The following TICRR variants were observed in gnomAD, a reference collection of about 807,000 sequenced individuals.
The protein encoded by TICRR is TOPBP1 interacting checkpoint and replication regulator, also known as treslin.
A neutral mutation model predicts 178.1 loss-of-function variants in TICRR; 132 were observed. That is an observed-to-expected ratio of 0.74 (90% CI 0.64 to 0.86). The LOEUF (loss-of-function observed/expected upper bound fraction) is 0.86, where lower values mean the gene tolerates loss of function less well. TICRR is among the 40% of genes least tolerant of loss of function. The pLI is 0.00. For synonymous variants in TICRR, 991 were observed against 900.7 expected, an observed-to-expected ratio of 1.10 and a Z score of -1.79; for missense variants, 2,587 against 2,334.3, an observed-to-expected ratio of 1.11 and a Z score of -2.23.
In TICRR at chr15:89,623,638, C is replaced by T. The variant is rs1450197816; in HGVS notation, c.3328C>T (p.His1110Tyr). The change falls in exon 20 of 22, where the codon CAC (histidine) becomes TAC (tyrosine). Residue 1110 changes from histidine to tyrosine, a missense_variant. His to Tyr is a moderately conservative substitution (Grantham distance 83). Transcript: ENST00000268138. Reference sequence around the variant, plus strand: ...CTCTTTTCAGACTCCCAAGAAGAGTCACCAGAAATCTCTGAGCTTTTCTAA... The same window carrying T: ...CTCTTTTCAGACTCCCAAGAAGAGTTACCAGAAATCTCTGAGCTTTTCTAA... ...PAAYQTPKKS[H>Y]QKSLSFSKTT... is the part of the protein sequence containing the mutation. The T allele has an allele frequency of 2.5e-6, 4 of 1,606,920 alleles. No homozygotes were observed. Among genetic ancestry groups the T allele is most frequent in the East Asian group, 2.2e-5 (1 of 44,860 alleles).
rs750817205 is a variant in TICRR, at chr15:89,582,767, G to A, written c.736G>A (p.Glu246Lys). ...HHGGGTVLPS[E>K]SFSWDFAQAG... Reference sequence around the variant, plus strand: ...CGGAGGTGGCACTGTCTTGCCATCTGAATCTTTCAGCTGGGATTTTGCTCA... The same window carrying A: ...CGGAGGTGGCACTGTCTTGCCATCTAAATCTTTCAGCTGGGATTTTGCTCA... The change falls in exon 2 of 22, where the codon GAA (glutamate) becomes AAA (lysine). Residue 246 changes from glutamate to lysine, a missense_variant. Physicochemically the swap from Glu to Lys is moderately conservative, Grantham distance 56. Coordinates refer to ENST00000268138, the MANE Select transcript of TICRR (RefSeq NM_152259.4). The A allele has an allele frequency of 6.2e-7, 1 of 1,614,210 alleles. No individual in the cohort carries two copies. The highest frequency in any genetic ancestry group is 2.2e-5 in the East Asian group (1 of 44,888).
At chr15:89,589,432 G>A (rs539257737) in intron 4 of TICRR, among the ~76,000 whole-genome samples, 3 of 152,200 alleles carry the variant, frequency 2.0e-5, no homozygotes, top group South Asian at 2.1e-4. Flanking sequence ...CTGCCCAGGC[G>A]GCCAGTGGAG....
At chr15:89,596,238 C>G (rs561267641) in intron 7 of TICRR, among the ~76,000 whole-genome samples, 2 of 152,146 alleles carry the variant, frequency 1.3e-5, no homozygotes, top group Non-Finnish European at 2.9e-5. Flanking sequence ...TTAGACCTTA[C>G]TTTTAATAGT....
chr15:89,616,256 G>A, intron 15 of TICRR, 149 bp from the exon 16 acceptor site: 1 of 629,232 alleles, frequency 1.6e-6, no homozygotes, highest in Non-Finnish European at 2.8e-6. Context: ...GTTGAGTCCT[G>A]TAACCATAGA....
At chr15:89,623,002 C>A (rs1963451646) in intron 19 of TICRR, among the ~76,000 whole-genome samples, 1 of 152,162 alleles carries the variant, frequency 6.6e-6, no homozygotes, top group Non-Finnish European at 1.5e-5. Context: ...ACTGAGAGTC[C>A]CCTGACGGGA....
In TICRR at chr15:89,600,671, A is replaced by C. The variant is rs1395852307; in HGVS notation, c.2139A>C (p.Glu713Asp). ...RQNLGKKLDK[E>D]DKVRECQLQV... ...ATCTAGGAAAAAAACTGGATAAGGA[A>C]GACAAAGTTAGAGAGTAAGTAACTA... The change falls in exon 9 of 22, where the codon GAA becomes GAC. Residue 713 changes from glutamate (E) to aspartate (D), a missense_variant. Glu to Asp is a conservative substitution (Grantham distance 45, BLOSUM62 2). Transcript: ENST00000268138. 1 of 1,548,746 alleles carries C rather than the reference A, an allele frequency of 6.5e-7. No homozygotes were observed.
rs1284594786 is a variant in TICRR, at chr15:89,624,591, G to A, written c.4281G>A (p.Leu1427=). ...PTDSRDDQKG[L]SLSPQSPPER... The stretch of plus-strand genomic sequence containing the variant: ...ACTCTAGAGATGACCAGAAGGGACT[G>A]AGCCTCTCTCCTCAGTCTCCTCCTG... Residue 1427 remains leucine (L), a synonymous_variant, in exon 20 of 22, where the codon CTG becomes CTA. Coordinates refer to ENST00000268138, the MANE Select transcript of TICRR (RefSeq NM_152259.4). 12 of 1,613,846 alleles carry A rather than the reference G, an allele frequency of 7.4e-6. No homozygotes were observed. In the South Asian group the frequency reaches 1.1e-4, roughly 15 times the overall value.
intron 3 of TICRR, 81 bp downstream of exon 3, chr15:89,584,608 A>G (rs1469644581): frequency 7.1e-7 from 1 of 1,404,228 alleles, no homozygotes. Context: ...TAAATGCCCT[A>G]CACAATATAG....
intron 4 of TICRR, among the ~76,000 whole-genome samples, chr15:89,587,182 C>T (rs1038545453): frequency 3.3e-5 from 5 of 152,062 alleles, no homozygotes; most frequent in African/African-American, 1.2e-4. Context: ...GACTTTTGCC[C>T]TAAGCTACTG....
chr15:89,603,556 G>A (rs1350868296), intron 13 of TICRR, among the ~76,000 whole-genome samples: 3 of 152,224 alleles, frequency 2.0e-5, no homozygotes, highest in East Asian at 3.8e-4. Flanking sequence ...CTGCACTCCA[G>A]CCTGGGTGAC....
At position 89,624,139 on chromosome 15, in the gene TICRR, G is replaced by A. The variant is rs60649217; in HGVS notation, c.3829G>A (p.Ala1277Thr). The A allele has an allele frequency of 1.5e-4, 246 of 1,613,818 alleles. 1 individual carries two copies. In the African/African-American group the frequency reaches 3.2e-3, roughly 21 times the overall value. ...QQPHVLRAAR[A>T]EEPAQKLKDK... ...GCCCCATGTCCTCAGAGCTGCTCGG[G>A]CAGAGGAACCAGCCCAGAAACTAAA... The change falls in exon 20 of 22, where the codon GCA becomes ACA. Residue 1277 changes from alanine (A) to threonine (T), a missense_variant. Coordinates refer to ENST00000268138, the MANE Select transcript of TICRR (RefSeq NM_152259.4).
At chr15:89,603,855 AT>A (rs1963134268) in intron 13 of TICRR, among the ~76,000 whole-genome samples, 2 of 152,218 alleles carry the variant, frequency 1.3e-5, no homozygotes, top group Non-Finnish European at 2.9e-5. Flanking sequence ...ATATAATATA[AT>A]AAAAGTTATG....
At chr15:89,615,664 C>T (rs553950428) in intron 15 of TICRR, among the ~76,000 whole-genome samples, 16 of 152,148 alleles carry the variant, frequency 1.1e-4, no homozygotes, top group Non-Finnish European at 2.1e-4. Context: ...TTTAAGCTCA[C>T]TTTAAATCAG....
intron 17 of TICRR, among the ~76,000 whole-genome samples, chr15:89,618,428 T>G (rs760814567): frequency 1.3e-5 from 2 of 152,204 alleles, no homozygotes; most frequent in Non-Finnish European, 1.5e-5. Context: ...ACAACAGATA[T>G]GAAATTCAGG....
intron 1 of TICRR, among the ~76,000 whole-genome samples, chr15:89,578,864 C>G (rs1962671529): frequency 6.6e-6 from 1 of 152,066 alleles, no homozygotes; most frequent in Non-Finnish European, 1.5e-5. Context: ...ATTTTCTATT[C>G]AAAAACCTGC....
intron 7 of TICRR, among the ~76,000 whole-genome samples, chr15:89,598,692 C>A (rs1016169083): frequency 1.3e-5 from 2 of 152,056 alleles, no homozygotes; most frequent in East Asian, 3.9e-4. Flanking sequence ...AACACTTAAA[C>A]TTGGTATACA....
At chr15:89,618,290 A>G in intron 17 of TICRR, 80 bp downstream of exon 17, 1 of 1,263,440 alleles carries the variant, frequency 7.9e-7, no homozygotes, top group Admixed American at 1.7e-5. Flanking sequence ...GTTACTTGGC[A>G]TATCCTAAGA....
In TICRR at chr15:89,594,400, A is replaced by T; in HGVS notation, c.1542-15A>T. ...TTAGAATGTTGGTTTTATTCTAGAC[A>T]TCTTGACTTCACAGGTTACTACAGG... On this transcript the variant is annotated splice_polypyrimidine_tract_variant and intron_variant, in intron 5 of 21. Transcript: ENST00000268138. 1 of 1,594,292 alleles carries T rather than the reference A, an allele frequency of 6.3e-7. No homozygotes were observed. The highest frequency in any genetic ancestry group is 8.5e-7 in the Non-Finnish European group (1 of 1,170,662).
chr15:89,616,041 C>T (rs966505318), intron 15 of TICRR, among the ~76,000 whole-genome samples: 1 of 152,020 alleles, frequency 6.6e-6, no homozygotes, highest in African/African-American at 2.4e-5. Flanking sequence ...CGCACCACCT[C>T]GCCCAGTTAA....
Sources: gnomAD v4.1 joint callset for allele counts (sites outside exome capture counted in the v4.1 genomes callset) on GRCh38, gnomAD v4.1.1 for gene constraint, MANE v1.5 for transcripts, NCBI Gene and HGNC (gene_info 2026-07-23, HGNC 2026-07-21) for gene names.